Variants in AFMID observed in about 807,000 individuals in gnomAD.
AFMID encodes the protein kynurenine formamidase.
A neutral mutation model predicts 47.5 loss-of-function variants in AFMID; 39 were observed. That is an observed-to-expected ratio of 0.82 (90% confidence interval 0.64 to 1.07). AFMID has a LOEUF of 1.07. Ranked by LOEUF, AFMID falls within the 50% of genes least tolerant of loss-of-function variation. The pLI, the probability that AFMID is intolerant of heterozygous loss-of-function variation, is 0.00. For synonymous variants in AFMID, 130 were observed against 153.2 expected, an observed-to-expected ratio of 0.85 and a Z score of 1.12; for missense variants, 375 against 387.5, an observed-to-expected ratio of 0.97 and a Z score of 0.27.
chr17:78,189,680 G>A (rs890867583), intron 1 of AFMID, among the ~76,000 whole-genome samples: 16 of 151,300 alleles, frequency 1.1e-4, no homozygotes, highest in Admixed American at 3.3e-4. Flanking sequence ...CACCATGCCC[G>A]GTTGATTTTT....
chr17:78,202,676 T>C, intron 3 of AFMID, 27 bp from the exon 4 acceptor site: 1 of 1,565,302 alleles, frequency 6.4e-7, no homozygotes, highest in Non-Finnish European at 8.7e-7. Context: ...CGGGCCTTGC[T>C]CACACGCCCT....
intron 2 of AFMID, among the ~76,000 whole-genome samples, chr17:78,191,770 A>T (rs1174946469): frequency 1.3e-5 from 2 of 150,102 alleles, no homozygotes; most frequent in African/African-American, 4.9e-5. Flanking sequence ...GCTCACTGCA[A>T]CCTCTGCTTC....
intron 10 of AFMID, among the ~76,000 whole-genome samples, 195 bp from the exon 11 acceptor site, chr17:78,206,716 C>T: frequency 6.7e-6 from 1 of 148,916 alleles, no homozygotes; most frequent in Non-Finnish European, 1.5e-5. Flanking sequence ...CTTCTTCCTT[C>T]ATCTCAGCAT....
intron 2 of AFMID, among the ~76,000 whole-genome samples, chr17:78,193,398 A>AAAAAAAAAT (rs1567844660): frequency 7.1e-6 from 1 of 140,202 alleles, no homozygotes; most frequent in Non-Finnish European, 1.5e-5. Flanking sequence ...AAAAAAAAAA[A>AAAAAAAAAT]GCTGTAAGCA....
intron 10 of AFMID, among the ~76,000 whole-genome samples, chr17:78,206,581 A>G (rs923482084): frequency 7.0e-5 from 6 of 85,194 alleles, no homozygotes; most frequent in South Asian, 5.1e-4. Context: ...TAATTATTCA[A>G]TGTTTTGTAG....
intron 10 of AFMID, 129 bp from the exon 11 acceptor site, chr17:78,206,777 CCACCT>C: frequency 1.2e-6 from 1 of 828,864 alleles, no homozygotes; most frequent in Non-Finnish European, 2.0e-6. Context: ...AGTGATCTTC[CCACCT>C]CAGCCTCCCG....
At position 78,193,370 on chromosome 17, in the gene AFMID, C is replaced by CA. The variant is rs199993168; in HGVS notation, c.154+2338dup. Among the ~76,000 whole-genome samples the CA allele has an allele frequency of 6.3e-3, 437 of 68,916 alleles. 29 individuals carry two copies. Among genetic ancestry groups the CA allele is most frequent in the East Asian group, 0.043 (89 of 2,086 alleles). The allele number at this position is 68,916 out of a possible 152,430, so 45.2% of individuals were successfully genotyped here. A position where few individuals can be genotyped will look rare whatever the true frequency, so the allele number is the denominator to read the frequency against. On this transcript the variant is annotated intron_variant, in intron 2 of 10. Transcript: ENST00000409257. Reference sequence around the variant, plus strand: ...TGGGCGACAGAGCGAGACTCTGTCTCAAAAAAAAAAAAAAAAAAAAAAAAA... The same window carrying CA: ...TGGGCGACAGAGCGAGACTCTGTCTCAAAAAAAAAAAAAAAAAAAAAAAAAA...
intron 2 of AFMID, among the ~76,000 whole-genome samples, chr17:78,196,632 C>G (rs544489495): frequency 2.6e-5 from 4 of 152,074 alleles, no homozygotes; most frequent in South Asian, 2.1e-4. Context: ...TGAGTCGAGA[C>G]CACGCCATTG....
chr17:78,200,257 C>T (rs146402036), intron 2 of AFMID, among the ~76,000 whole-genome samples: 2 of 152,130 alleles, frequency 1.3e-5, no homozygotes, highest in African/African-American at 2.4e-5. Context: ...CGGGTTCAAG[C>T]GATTGTCCTG....
At chr17:78,202,037 C>A (rs1599009139) in intron 2 of AFMID, among the ~76,000 whole-genome samples, 1 of 151,992 alleles carries the variant, frequency 6.6e-6, no homozygotes, top group Non-Finnish European at 1.5e-5. Context: ...GCCTGGCAGT[C>A]CTCTTTCGAT....
chr17:78,189,717 G>A (rs1002304873), intron 1 of AFMID, among the ~76,000 whole-genome samples: 7 of 99,580 alleles, frequency 7.0e-5, no homozygotes, highest in African/African-American at 1.7e-4. Context: ...ATAGTGTTTC[G>A]CCATATTGCC....
intron 6 of AFMID, 63 bp from the exon 7 acceptor site, chr17:78,205,030 A>AG: frequency 6.4e-7 from 1 of 1,563,854 alleles, no homozygotes; most frequent in Non-Finnish European, 8.7e-7. Context: ...GACTCTTCGA[A>AG]GGGGGCCTGA....
rs750145910 is a variant in AFMID at position 78,204,726 on chromosome 17, G to T, written c.379G>T (p.Gly127Cys). ...AGTGGCCGTGGTAATAGTGGCTTAC[G>T]GCATCGCCCCCAAAGGTAATAGGAG... ...QGVAVVIVAYGIAPKGTLDHM... is the reference protein window; with the variant it reads ...QGVAVVIVAYCIAPKGTLDHM... The change falls in exon 5 of 11, where the codon GGC becomes TGC. Residue 127 changes from glycine to cysteine, a missense_variant. Coordinates refer to ENST00000409257, the MANE Select transcript of AFMID (RefSeq NM_001010982.5). The T allele has an allele frequency of 1.9e-6, 3 of 1,614,038 alleles. No individual in the cohort carries two copies. The highest frequency in any genetic ancestry group is 2.5e-6 in the Non-Finnish European group (3 of 1,180,046).
In AFMID at chr17:78,191,027, G is replaced by C. The variant is rs77585764; in HGVS notation, c.121G>C (p.Ala41Pro). The C allele has an allele frequency of 0.016, 25,258 of 1,613,940 alleles. 983 individuals carry two copies. Among genetic ancestry groups the C allele is most frequent in the East Asian group, 0.12 (5,315 of 44,860 alleles). Residue 41 changes from alanine (A) to proline (P), a missense_variant, in exon 2 of 11, where the codon GCC becomes CCC. Physicochemically the swap from Ala to Pro is conservative, Grantham distance 27. Transcript: ENST00000409257. ...GGTTGTCCGACTGGGAGCAGAGGAA[G>C]CCTTGAGGACCTACTCACAGATAGG... ...RWVVRLGAEE[A>P]LRTYSQIGIE...
At chr17:78,202,849 G>A in intron 4 of AFMID, 98 bp downstream of exon 4, 1 of 1,405,098 alleles carries the variant, frequency 7.1e-7, no homozygotes, top group East Asian at 2.5e-5. Context: ...GCCACAAGCT[G>A]GGCACTCCTT....
Position 78,206,052 on chromosome 17 carries a change from TG to T in AFMID, c.885+6del. 1 of 1,613,650 alleles carries T rather than the reference TG, an allele frequency of 6.2e-7. No individual in the cohort carries two copies. Among genetic ancestry groups the T allele is most frequent in the Non-Finnish European group, 8.5e-7 (1 of 1,179,634 alleles). ...CAGAAGGACAACGTGCTCACCCAGG[TG>T]GGGCCTCATCCCTGGCAGCCCTTTC... On this transcript the variant is annotated splice_donor_region_variant and intron_variant, in intron 10 of 10. Coordinates refer to ENST00000409257, the MANE Select transcript of AFMID (RefSeq NM_001010982.5).
rs375716173 is a variant in AFMID at position 78,199,726 on chromosome 17, C to T, written c.155-2773C>T. The stretch of plus-strand genomic sequence containing the variant: ...GCCACCAAGGCTGGGGACCAGGGGG[C>T]CTCCAGGGACAGGGATCCCAAGTTG... On this transcript the variant is annotated intron_variant, in intron 2 of 10. Transcript: ENST00000409257. 2.0e-4 allele frequency among the ~76,000 whole-genome samples: 31 copies of T among 152,264 alleles called. No individual in the cohort carries two copies. The South Asian group carries it at 6.0e-3, about 29-fold the overall frequency.
At chr17:78,204,800 C>T (rs761381056) in intron 5 of AFMID, 28 bp from the exon 6 acceptor site, 1 of 1,614,184 alleles carries the variant, frequency 6.2e-7, no homozygotes, top group Non-Finnish European at 8.5e-7. Flanking sequence ...GAAGTGCATC[C>T]CTGACCCAGC....
intron 2 of AFMID, among the ~76,000 whole-genome samples, chr17:78,199,390 T>C (rs2076192734): frequency 6.6e-6 from 1 of 151,852 alleles, no homozygotes; most frequent in East Asian, 1.9e-4. Flanking sequence ...TCTTTTCTTT[T>C]TTTTTGAGAC....
Sources: allele counts gnomAD v4.1 joint callset (sites outside exome capture counted in the v4.1 genomes callset), GRCh38; gene constraint gnomAD v4.1.1; transcripts MANE v1.5; gene names NCBI Gene and HGNC (gene_info 2026-07-23, HGNC 2026-07-21).